The following DNAH10 variants were observed in gnomAD, a reference collection of about 807,000 sequenced individuals.
The protein encoded by DNAH10 is axonemal beta dynein heavy chain 10.
A neutral mutation model predicts 506.6 loss-of-function variants in DNAH10; 348 were observed. That is an observed-to-expected ratio of 0.69 (90% CI 0.63 to 0.75). DNAH10 has a LOEUF of 0.75. Among genes scored for constraint, DNAH10 ranks in the 30% least tolerant of loss-of-function variants. The pLI, the probability that DNAH10 is intolerant of heterozygous loss-of-function variation, is 0.00. For synonymous variants in DNAH10, 2,059 were observed against 2,198.6 expected, an observed-to-expected ratio of 0.94 and a Z score of 1.78; for missense variants, 5,179 against 5,787.1, an observed-to-expected ratio of 0.89 and a Z score of 3.41.
intron 3 of DNAH10, among the ~76,000 whole-genome samples, chr12:123,772,522 G>A (rs554510476): frequency 1.1e-4 from 16 of 152,284 alleles, no homozygotes; most frequent in South Asian, 6.2e-4. Flanking sequence ...TACCAAAATC[G>A]TGCTTCATTG....
chr12:123,905,448 T>C (rs1953730576), intron 57 of DNAH10, among the ~76,000 whole-genome samples: 1 of 152,184 alleles, frequency 6.6e-6, no homozygotes, highest in African/African-American at 2.4e-5. Context: ...TGTTGCCTAA[T>C]CCCCGCCGTG....
intron 19 of DNAH10, 97 bp from the exon 20 acceptor site, chr12:123,813,067 C>T: frequency 5.0e-6 from 4 of 799,218 alleles, no homozygotes; most frequent in South Asian, 2.1e-5. Context: ...AGTGATTTTC[C>T]ATTACTGGCA....
chr12:123,803,584 C>G, intron 16 of DNAH10, 77 bp from the exon 17 acceptor site: 2 of 1,359,980 alleles, frequency 1.5e-6, no homozygotes, highest in Non-Finnish European at 1.9e-6. Flanking sequence ...CCAGTATTAA[C>G]ATCACAGACG....
rs1377141261 is a variant in DNAH10, at chr12:123,907,483, G to T, written c.9816-1778G>T. On this transcript the variant is annotated intron_variant, in intron 57 of 78. Transcript: ENST00000673944. The surrounding 1 kb of genome is among the most constrained non-coding windows in gnomAD (Gnocchi z 4.4). ...ACATTTCACACACCTTGGTCATCCG[G>T]CATTGTGGAAAGTGGTATGTTCTGG... Among the ~76,000 whole-genome samples, 3 of 152,266 alleles carry T rather than the reference G, an allele frequency of 2.0e-5. No homozygotes were observed. In the East Asian group the frequency reaches 5.8e-4, roughly 29 times the overall value.
chr12:123,817,774 T>C (rs1039390254), intron 21 of DNAH10, among the ~76,000 whole-genome samples: 2 of 152,038 alleles, frequency 1.3e-5, no homozygotes, highest in African/African-American at 4.8e-5. Context: ...ATTGGAGGCG[T>C]TGGGTGATGT....
chr12:123,931,166 G>C (rs534844322), intron 73 of DNAH10, among the ~76,000 whole-genome samples, 175 bp from the exon 74 acceptor site: 37 of 152,000 alleles, frequency 2.4e-4, no homozygotes, highest in Non-Finnish European at 4.4e-4. Flanking sequence ...AGTGATCAAT[G>C]ACCATGTCAG....
At chr12:123,767,052 C>T (rs1051799906) in intron 1 of DNAH10, among the ~76,000 whole-genome samples, 6 of 151,640 alleles carry the variant, frequency 4.0e-5, no homozygotes, top group South Asian at 2.1e-4. Context: ...ATTACAGGCG[C>T]GCACCACCAC....
At position 123,787,011 on chromosome 12, in the gene DNAH10, C is replaced by T. The variant is rs901767021; in HGVS notation, c.1422-793C>T. Among the ~76,000 whole-genome samples the T allele has an allele frequency of 3.3e-5, 5 of 152,066 alleles. No homozygotes were observed. The highest frequency in any genetic ancestry group is 1.2e-4 in the African/African-American group (5 of 41,462). On this transcript the variant is annotated intron_variant, in intron 9 of 78. Transcript: ENST00000673944. This position sits in a 1 kb window ranked among gnomAD's most constrained non-coding sequence, Gnocchi z 4.6. ...AGAATTAGCCGGGTGTGGTGGTGGG[C>T]GCCTGTAATCCCAGCCACTCAGGAG...
chr12:123,854,551 A>G (rs1305089191), intron 36 of DNAH10, among the ~76,000 whole-genome samples: 1 of 152,204 alleles, frequency 6.6e-6, no homozygotes, highest in Non-Finnish European at 1.5e-5. Context: ...ATGAAAACAC[A>G]TTGCAAATAC....
At chr12:123,788,373 A>C (rs1055489793) in intron 10 of DNAH10, among the ~76,000 whole-genome samples, 1 of 152,176 alleles carries the variant, frequency 6.6e-6, no homozygotes, top group Non-Finnish European at 1.5e-5. Flanking sequence ...AGCCAGGCCC[A>C]GTCTTCCCAG....
intron 52 of DNAH10, among the ~76,000 whole-genome samples, chr12:123,888,087 C>T (rs966998900): frequency 3.9e-5 from 6 of 152,176 alleles, no homozygotes; most frequent in African/African-American, 7.2e-5. Flanking sequence ...TGGCGTGAGC[C>T]TGTAGTTCCA....
At chr12:123,910,494 G>A (rs1200333939) in intron 58 of DNAH10, 42 bp from the exon 59 acceptor site, 2 of 1,598,916 alleles carry the variant, frequency 1.3e-6, no homozygotes, top group Non-Finnish European at 1.7e-6. Flanking sequence ...CTCCCAAGAT[G>A]AAGCTTGCCA....
rs142140309 is a variant in DNAH10, at chr12:123,765,564, T to TTATCTATCTATCTATCTATCTATC, written c.215-2030_215-2007dup. 6.8e-4 allele frequency among the ~76,000 whole-genome samples: 102 copies of TTATCTATCTATCTATCTATCTATC among 149,412 alleles called. 1 individual carries two copies. The highest frequency in any genetic ancestry group is 5.4e-3 in the East Asian group (27 of 5,010). ...ACCTTCCTATGCATCTATCTATACT[T>TTATCTATCTATCTATCTATCTATC]TATCTATCTATCTATCTATCTATCT... On this transcript the variant is annotated intron_variant, in intron 1 of 78. Transcript: ENST00000673944.
intron 10 of DNAH10, among the ~76,000 whole-genome samples, chr12:123,789,429 G>T (rs1447086371): frequency 4.0e-5 from 6 of 151,704 alleles, no homozygotes; most frequent in Admixed American, 3.9e-4. Flanking sequence ...TGTCACCCAG[G>T]CTGGAGTGCA....
At chr12:123,934,572 C>T (rs766484107) in intron 77 of DNAH10, 49 bp from the exon 78 acceptor site, 5 of 1,604,748 alleles carry the variant, frequency 3.1e-6, no homozygotes, top group Middle Eastern at 1.6e-4. Flanking sequence ...CACTCCGTGG[C>T]AGGCTGTGCA....
chr12:123,898,916 C>A (rs1953388698), intron 56 of DNAH10, 102 bp downstream of exon 56: 2 of 1,431,746 alleles, frequency 1.4e-6, no homozygotes, highest in Non-Finnish European at 1.8e-6. Context: ...CAGGACAGGG[C>A]TCTGCCAGGC....
At chr12:123,908,102 C>T (rs112356212) in intron 57 of DNAH10, among the ~76,000 whole-genome samples, 32,609 of 106,924 alleles carry the variant, frequency 0.3, 4,837 homozygotes, top group African/African-American at 0.51. Context: ...TCCCTGTCTC[C>T]CTGTCTCCTC....
chr12:123,894,641 A>G lies in DNAH10; in HGVS notation c.9200-2A>G. The G allele has an allele frequency of 6.2e-7, 1 of 1,613,700 alleles. No individual in the cohort carries two copies. The highest frequency in any genetic ancestry group is 1.1e-5 in the South Asian group (1 of 91,068). ...TCTTTTTAATCTCTCTTTCCTTTCA[A>G]GGTATGGTAAATAACACTGGTATTG... On this transcript the variant is annotated splice_acceptor_variant, in intron 53 of 78. Transcript: ENST00000673944. LOFTEE classifies it high-confidence loss of function.
intron 65 of DNAH10, among the ~76,000 whole-genome samples, chr12:123,921,691 G>GTTTTTTTTTTTTTTTT (rs35553163): frequency 1.6e-5 from 1 of 62,884 alleles, no homozygotes; most frequent in Non-Finnish European, 2.8e-5. Context: ...GTAGCTTGCA[G>GTTTTTTTTTTTTTTTT]TTTTTTTTTT....
Sources: allele counts gnomAD v4.1 joint callset (sites outside exome capture counted in the v4.1 genomes callset), GRCh38; gene constraint gnomAD v4.1.1; non-coding constraint Gnocchi (gnomAD v3.1); transcripts MANE v1.5; gene names NCBI Gene and HGNC (gene_info 2026-07-23, HGNC 2026-07-21).